The following FBXW7 variants were observed in gnomAD, a reference collection of about 807,000 sequenced individuals.
FBXW7 encodes F-box/WD repeat-containing protein 7.
In FBXW7, 11 loss-of-function variants were observed where a neutral mutation model predicts 86.3. The observed-to-expected ratio is 0.13, with a 90% CI of 0.08 to 0.21. The LOEUF is 0.21. Ranked by LOEUF, FBXW7 falls within the 10% of genes least tolerant of loss-of-function variation. The probability of loss-of-function intolerance (pLI) is 1.00; values close to 1 mark genes in which losing one functional copy is unlikely to be tolerated. For missense variants in FBXW7, 488 were observed against 847.4 expected, an observed-to-expected ratio of 0.58 and a Z score of 5.27; for synonymous variants, 313 against 297.9, an observed-to-expected ratio of 1.05 and a Z score of -0.52.
intron 2 of FBXW7, among the ~76,000 whole-genome samples, chr4:152,519,042 T>C (rs1350632773): frequency 2.0e-5 from 3 of 152,204 alleles, no homozygotes; most frequent in Non-Finnish European, 4.4e-5. Context: ...CTCATGCCTG[T>C]AATCCCAGCA....
intron 4 of FBXW7, among the ~76,000 whole-genome samples, chr4:152,387,639 C>T (rs1387819120): frequency 7.5e-6 from 1 of 133,466 alleles, no homozygotes; most frequent in Non-Finnish European, 1.6e-5. Flanking sequence ...CAGCAAGCAA[C>T]ATATTACTTT....
chr4:152,386,971 C>T (rs143380979), intron 4 of FBXW7, among the ~76,000 whole-genome samples: 156 of 152,262 alleles, frequency 1.0e-3, no homozygotes, highest in African/African-American at 3.3e-3. Flanking sequence ...GGATTTCCAT[C>T]TTTTCTTTCA....
chr4:152,414,534 T>A (rs1400415578), intron 2 of FBXW7, among the ~76,000 whole-genome samples: 1 of 152,124 alleles, frequency 6.6e-6, no homozygotes, highest in Non-Finnish European at 1.5e-5. Flanking sequence ...TTGTTACAGT[T>A]CTGCTAACCT....
chr4:152,518,867 C>G (rs188931178), intron 2 of FBXW7, among the ~76,000 whole-genome samples: 13 of 152,192 alleles, frequency 8.5e-5, no homozygotes, highest in Admixed American at 4.6e-4. Context: ...TATGTTCTCA[C>G]AGTATTAATT....
intron 2 of FBXW7, among the ~76,000 whole-genome samples, chr4:152,492,178 T>C (rs1214922359): frequency 6.6e-6 from 1 of 152,226 alleles, no homozygotes; most frequent in Admixed American, 6.5e-5. Flanking sequence ...TTGCCAAGTA[T>C]GTCAGATTCA....
chr4:152,338,515 A>G (rs963015535), intron 6 of FBXW7, among the ~76,000 whole-genome samples: 12 of 152,092 alleles, frequency 7.9e-5, no homozygotes, highest in Admixed American at 6.5e-4. Context: ...ACAATCAACA[A>G]TAGAAAATAG....
intron 2 of FBXW7, among the ~76,000 whole-genome samples, chr4:152,489,147 C>G (rs1012873271): frequency 3.3e-5 from 5 of 151,958 alleles, no homozygotes; most frequent in African/African-American, 7.2e-5. Flanking sequence ...TTCAGAAATT[C>G]TTAATTCTGT....
Position 152,347,045 on chromosome 4 carries a change from G to A in FBXW7, c.611C>T (p.Ala204Val), listed in dbSNP as rs1731332305. 1 of 1,611,020 alleles carries A rather than the reference G, an allele frequency of 6.2e-7. No individual in the cohort carries two copies. Among genetic ancestry groups the A allele is most frequent in the Non-Finnish European group, 8.5e-7 (1 of 1,179,260 alleles). Residue 204 changes from alanine (A) to valine (V), a missense_variant, in exon 6 of 14, where the codon GCA becomes GTA. This residue lies in a region of FBXW7 where 230 missense variants were observed against 240.0 expected (regional missense o/e 0.96). Transcript: ENST00000281708. ...GAGGTCCCCAAAAGTTGTTGGTGTTGCTGAACATGGTACAAGCCCAGTGGT... is the reference window on the plus strand; with the variant it reads ...GAGGTCCCCAAAAGTTGTTGGTGTTACTGAACATGGTACAAGCCCAGTGGT... ...TSTTGLVPCSATPTTFGDLRA... is the reference protein window; with the variant it reads ...TSTTGLVPCSVTPTTFGDLRA...
intron 2 of FBXW7, among the ~76,000 whole-genome samples, chr4:152,478,080 T>C (rs1744581004): frequency 1.3e-5 from 2 of 152,136 alleles, no homozygotes. Context: ...TCATAAAATA[T>C]ACATAAAATG....
intron 2 of FBXW7, among the ~76,000 whole-genome samples, chr4:152,516,343 T>C (rs1006647735): frequency 1.3e-5 from 2 of 152,196 alleles, no homozygotes; most frequent in South Asian, 2.1e-4. Context: ...TAGAGTCTCA[T>C]AGGAGCACAA....
chr4:152,364,503 G>A (rs1205020900), intron 4 of FBXW7, among the ~76,000 whole-genome samples: 2 of 152,104 alleles, frequency 1.3e-5, no homozygotes, highest in African/African-American at 4.8e-5. Context: ...GTTCTTTGTT[G>A]ATTACTCAAA....
intron 2 of FBXW7, among the ~76,000 whole-genome samples, chr4:152,449,960 T>TA (rs1266652271): frequency 1.3e-5 from 2 of 152,182 alleles, no homozygotes; most frequent in African/African-American, 4.8e-5. Flanking sequence ...TTGGGGAAGA[T>TA]AGTCTAAAAC....
At chr4:152,343,635 T>C (rs371642111) in intron 6 of FBXW7, among the ~76,000 whole-genome samples, 46 of 152,262 alleles carry the variant, frequency 3.0e-4, no homozygotes, top group African/African-American at 1.0e-3. Flanking sequence ...TATAAGATAA[T>C]GTTCATGTAA....
At chr4:152,420,255 A>C (rs1056986872) in intron 2 of FBXW7, among the ~76,000 whole-genome samples, 3 of 152,160 alleles carry the variant, frequency 2.0e-5, no homozygotes, top group Non-Finnish European at 4.4e-5. Context: ...TCAGCCATTC[A>C]AATTTTATCT....
rs182714039 is a variant in FBXW7 at position 152,417,261 on chromosome 4, G to C, written c.-119-4732C>G. Among the ~76,000 whole-genome samples, 193 of 152,164 alleles carry C rather than the reference G, an allele frequency of 1.3e-3. 1 individual carries two copies. The highest frequency in any genetic ancestry group is 4.5e-3 in the African/African-American group (187 of 41,500). On this transcript the variant is annotated intron_variant, in intron 2 of 13. Transcript: ENST00000281708. ...CCAAACTTCTATTTCCCCACAACAT[G>C]CACACATACGTAAGGCCCAAATTTG...
At chr4:152,444,833 C>G (rs1741228119) in intron 2 of FBXW7, among the ~76,000 whole-genome samples, 3 of 152,084 alleles carry the variant, frequency 2.0e-5, no homozygotes, top group African/African-American at 7.2e-5. Flanking sequence ...GATTCCTGAA[C>G]CATACTTTCT....
Position 152,347,900 on chromosome 4 carries a change from T to C in FBXW7, c.585-829A>G, listed in dbSNP as rs1255090108. Among the ~76,000 whole-genome samples the C allele has an allele frequency of 2.0e-5, 3 of 152,066 alleles. No individual in the cohort carries two copies. The South Asian group carries it at 6.2e-4, about 31-fold the overall frequency. ...ACTATATTACTAACGTATTAAACTT[T>C]CCTTTCTAATTTCTGCATGTAATTA... On this transcript the variant is annotated intron_variant, in intron 5 of 13. Coordinates refer to ENST00000281708, the MANE Select transcript of FBXW7 (RefSeq NM_001349798.2).
intron 2 of FBXW7, among the ~76,000 whole-genome samples, chr4:152,434,789 A>G (rs1335843270): frequency 6.6e-6 from 1 of 152,196 alleles, no homozygotes; most frequent in African/African-American, 2.4e-5. Flanking sequence ...CAAATAGATC[A>G]ATATTGTTGA....
At chr4:152,523,484 AGAG>A (rs1016734531) in intron 2 of FBXW7, among the ~76,000 whole-genome samples, 6 of 152,200 alleles carry the variant, frequency 3.9e-5, no homozygotes, top group Non-Finnish European at 7.3e-5. Flanking sequence ...GAAGAGCAAA[AGAG>A]GAGCAGCTGG....
Sources: allele counts gnomAD v4.1 joint callset (sites outside exome capture counted in the v4.1 genomes callset), GRCh38; gene constraint gnomAD v4.1.1; regional missense constraint gnomAD v4.1.1; transcripts MANE v1.5; gene names NCBI Gene and HGNC (gene_info 2026-07-23, HGNC 2026-07-21).